Variants in PRKG1 observed in about 807,000 individuals in gnomAD.
PRKG1 encodes the protein protein kinase cGMP-dependent 1.
PRKG1 carries 35 observed loss-of-function variants against 88.1 expected under a neutral mutation model. That is an observed-to-expected ratio of 0.40 (90% confidence interval 0.30 to 0.53). The LOEUF is 0.53. Among genes scored for constraint, PRKG1 ranks in the 20% least tolerant of loss-of-function variants. PRKG1 has a pLI of 0.59. For synonymous variants in PRKG1, 303 were observed against 292.5 expected (o/e 1.04, Z -0.37); for missense variants, 540 against 839.8 (o/e 0.64, Z 4.41).
rs548876473 is a variant in PRKG1 at position 51,866,247 on chromosome 10, C to T, written c.699-41260C>T. Among the ~76,000 whole-genome samples the T allele has an allele frequency of 1.6e-4, 24 of 151,866 alleles. No individual in the cohort carries two copies. The South Asian group carries it at 2.9e-3, about 18-fold the overall frequency. On this transcript the variant is annotated intron_variant, in intron 4 of 17. Transcript: ENST00000373980. ...AAGTAATTTTCTGAGATATAATTTA[C>T]GTAATATTAGAAAGTTAAAATAAGC... is the stretch of plus-strand genomic sequence containing the variant.
intron 5 of PRKG1, among the ~76,000 whole-genome samples, chr10:52,042,542 C>G (rs1845775751): frequency 6.6e-6 from 1 of 152,090 alleles, no homozygotes; most frequent in Non-Finnish European, 1.5e-5. Flanking sequence ...GAAACTAGAT[C>G]CCTATCTCTC....
intron 5 of PRKG1, among the ~76,000 whole-genome samples, chr10:51,914,140 C>A (rs996421524): frequency 1.3e-5 from 2 of 151,756 alleles, no homozygotes; most frequent in Admixed American, 1.3e-4. Flanking sequence ...TTTGAAGAAC[C>A]CCTAACTAAT....
chr10:51,540,272 C>T, intron 3 of PRKG1, among the ~76,000 whole-genome samples: 1 of 152,252 alleles, frequency 6.6e-6, no homozygotes, highest in South Asian at 2.1e-4. Context: ...AATATGTAAC[C>T]TCTGAGCAGG....
At chr10:51,949,293 C>A (rs183530943) in intron 5 of PRKG1, among the ~76,000 whole-genome samples, 6 of 152,102 alleles carry the variant, frequency 3.9e-5, no homozygotes, top group African/African-American at 1.4e-4. Context: ...AAGGAATAAA[C>A]CTAGTTGCAT....
chr10:51,752,611 G>A (rs950064062), intron 3 of PRKG1, among the ~76,000 whole-genome samples: 8 of 152,002 alleles, frequency 5.3e-5, no homozygotes, highest in Admixed American at 2.0e-4. Context: ...TTGTTTCTAC[G>A]GTTAAATAGA....
intron 3 of PRKG1, among the ~76,000 whole-genome samples, chr10:51,543,331 A>T (rs1364282517): frequency 1.3e-5 from 2 of 152,194 alleles, no homozygotes; most frequent in African/African-American, 4.8e-5. Context: ...TTTGTCAGTG[A>T]TTAAAATAAT....
At chr10:51,265,577 C>G (rs1051020338) in intron 2 of PRKG1, among the ~76,000 whole-genome samples, 3 of 151,998 alleles carry the variant, frequency 2.0e-5, no homozygotes, top group African/African-American at 7.2e-5. Context: ...AGAATATCTT[C>G]TATGTAACGA....
At chr10:51,971,797 T>C (rs1157137755) in intron 5 of PRKG1, among the ~76,000 whole-genome samples, 4 of 152,176 alleles carry the variant, frequency 2.6e-5, no homozygotes, top group Non-Finnish European at 5.9e-5. Context: ...CATTTTGTCA[T>C]AGAGTTGCTG....
intron 2 of PRKG1, among the ~76,000 whole-genome samples, chr10:51,371,414 C>CTG (rs1480886708): frequency 6.6e-6 from 1 of 151,658 alleles, no homozygotes; most frequent in Non-Finnish European, 1.5e-5. Flanking sequence ...AATAATTACT[C>CTG]TGTGTGTGTG....
chr10:51,337,414 A>AATTAAATTTGTTAATTAAATT (rs1841902411), intron 2 of PRKG1, among the ~76,000 whole-genome samples: 1 of 152,214 alleles, frequency 6.6e-6, no homozygotes, highest in African/African-American at 2.4e-5. Flanking sequence ...GACAAATGGG[A>AATTAAATTTGTTAATTAAATT]TCTAATTAAA....
chr10:51,151,166 A>G (rs1221369582), intron 1 of PRKG1, among the ~76,000 whole-genome samples: 1 of 151,762 alleles, frequency 6.6e-6, no homozygotes, highest in Non-Finnish European at 1.5e-5. Context: ...TTTTTAGGAA[A>G]GAGAAAACGT....
At chr10:51,579,640 T>C (rs1287065487) in intron 3 of PRKG1, among the ~76,000 whole-genome samples, 3 of 152,168 alleles carry the variant, frequency 2.0e-5, no homozygotes, top group Admixed American at 1.3e-4. Context: ...TTTGATTAGA[T>C]TTCATGAAGT....
chr10:51,757,704 A>T (rs1440596123), intron 3 of PRKG1, among the ~76,000 whole-genome samples: 1 of 152,180 alleles, frequency 6.6e-6, no homozygotes, highest in African/African-American at 2.4e-5. Context: ...TTAATTAGAA[A>T]AAAAGTAAAA....
At chr10:52,243,680 C>T (rs985153795) in intron 9 of PRKG1, among the ~76,000 whole-genome samples, 1 of 151,974 alleles carries the variant, frequency 6.6e-6, no homozygotes, top group Non-Finnish European at 1.5e-5. Flanking sequence ...CTGGTTTACC[C>T]AGGTGCAAAA....
intron 1 of PRKG1, among the ~76,000 whole-genome samples, chr10:51,019,812 A>G (rs1471826821): frequency 6.6e-6 from 1 of 152,108 alleles, no homozygotes; most frequent in African/African-American, 2.4e-5. Context: ...AAAACAAAAA[A>G]AAACTCAATT....
At chr10:51,594,302 A>G (rs534035999) in intron 3 of PRKG1, among the ~76,000 whole-genome samples, 1 of 152,214 alleles carries the variant, frequency 6.6e-6, no homozygotes, top group Non-Finnish European at 1.5e-5. Context: ...CACTGGGATT[A>G]CAGAATTGAG....
At chr10:51,694,596 A>G (rs1841235543) in intron 3 of PRKG1, among the ~76,000 whole-genome samples, 1 of 152,232 alleles carries the variant, frequency 6.6e-6, no homozygotes, top group East Asian at 1.9e-4. Context: ...TGATCATTTC[A>G]TAATCCCAAA....
rs112852222 is a variant in PRKG1 at position 51,674,757 on chromosome 10, C to G, written c.593-129828C>G. Among the ~76,000 whole-genome samples the G allele has an allele frequency of 3.0e-3, 455 of 152,266 alleles. 4 individuals are homozygous for G. The highest frequency in any genetic ancestry group is 0.019 in the South Asian group (92 of 4,822). The stretch of plus-strand genomic sequence containing the variant: ...ACAATTTGGATGAACCCGAGACGTT[C>G]TAGCATAGCTAAAATATAATTAGTG... On this transcript the variant is annotated intron_variant, in intron 3 of 17. Coordinates refer to ENST00000373980, the MANE Select transcript of PRKG1 (RefSeq NM_006258.4).
intron 2 of PRKG1, among the ~76,000 whole-genome samples, chr10:51,359,309 T>C (rs1221911935): frequency 6.6e-6 from 1 of 151,882 alleles, no homozygotes; most frequent in East Asian, 1.9e-4. Context: ...TGGTTAGACC[T>C]CTTTAGCCAC....
Sources: gnomAD v4.1 joint callset for allele counts (sites outside exome capture counted in the v4.1 genomes callset) on GRCh38, gnomAD v4.1.1 for gene constraint, MANE v1.5 for transcripts, NCBI Gene and HGNC (gene_info 2026-07-23, HGNC 2026-07-21) for gene names.